The following SHC3 variants were observed in gnomAD, a reference collection of about 807,000 sequenced individuals.
The protein encoded by SHC3 is SHC-transforming protein 3.
Under a neutral mutation model 60.4 loss-of-function variants are expected in SHC3, and 15 were observed. The ratio of observed to expected loss-of-function variants is 0.25; its 90% CI spans 0.17 to 0.38. The LOEUF (loss-of-function observed/expected upper bound fraction) is 0.38. Ranked by LOEUF, SHC3 falls within the 10% of genes least tolerant of loss-of-function variation. The pLI, the probability that SHC3 is intolerant of heterozygous loss-of-function variation, is 1.00. For synonymous variants in SHC3, 294 were observed against 325.9 expected, an observed-to-expected ratio of 0.90 and a Z score of 1.05; for missense variants, 677 against 786.1, an observed-to-expected ratio of 0.86 and a Z score of 1.66.
At chr9:89,134,728 G>A (rs943110002) in intron 1 of SHC3, among the ~76,000 whole-genome samples, 1 of 152,050 alleles carries the variant, frequency 6.6e-6, no homozygotes, top group Non-Finnish European at 1.5e-5. Context: ...AGGTACTAAC[G>A]AATGCAGGTT....
At chr9:89,064,608 G>A (rs1249172794) in intron 6 of SHC3, among the ~76,000 whole-genome samples, 1 of 152,122 alleles carries the variant, frequency 6.6e-6, no homozygotes, top group Non-Finnish European at 1.5e-5. Flanking sequence ...TCTGAGGCCT[G>A]AGCATTGAGG....
At chr9:89,147,221 T>C (rs2118205560) in intron 1 of SHC3, among the ~76,000 whole-genome samples, 1 of 152,192 alleles carries the variant, frequency 6.6e-6, no homozygotes, top group East Asian at 1.9e-4. Flanking sequence ...TCAGTAAATG[T>C]TGACCAAGCC....
chr9:89,118,267 G>C (rs1826045401), intron 1 of SHC3, among the ~76,000 whole-genome samples: 1 of 149,760 alleles, frequency 6.7e-6, no homozygotes, highest in African/African-American at 2.5e-5. Context: ...TTGACTTAGG[G>C]TAAAAAGAGA....
rs138041738 is a variant in SHC3 at position 89,138,882 on chromosome 9, G to A, written c.475-26256C>T. Among the ~76,000 whole-genome samples the A allele has an allele frequency of 5.9e-5, 9 of 152,194 alleles. No homozygotes were observed. In the East Asian group the frequency reaches 1.7e-3, roughly 29 times the overall value. The stretch of plus-strand genomic sequence containing the variant: ...TGTCAGGAGGCATCAGTATAGTAAG[G>A]GTGATTCATGACTCTTGAGTTCTGA... On this transcript the variant is annotated intron_variant, in intron 1 of 11. Coordinates refer to ENST00000375835, the MANE Select transcript of SHC3 (RefSeq NM_016848.6).
chr9:89,037,458 C>T (rs1824600722), intron 11 of SHC3: 2 of 691,624 alleles, frequency 2.9e-6, no homozygotes, highest in East Asian at 2.7e-5. Flanking sequence ...AAAATTCAGC[C>T]AAACCTACGG....
intron 2 of SHC3, among the ~76,000 whole-genome samples, chr9:89,087,043 A>G (rs556844307): frequency 3.3e-5 from 5 of 152,286 alleles, no homozygotes; most frequent in African/African-American, 1.2e-4. Flanking sequence ...TCCACCATGC[A>G]TGCGCACACC....
intron 3 of SHC3, among the ~76,000 whole-genome samples, chr9:89,076,700 C>T (rs1235458402): frequency 6.6e-6 from 1 of 152,268 alleles, no homozygotes; most frequent in East Asian, 1.9e-4. Context: ...TGGCCTTTCC[C>T]CTCCGTTCAC....
intron 4 of SHC3, among the ~76,000 whole-genome samples, chr9:89,073,408 A>G (rs543752348): frequency 2.0e-4 from 31 of 152,060 alleles, no homozygotes; most frequent in Non-Finnish European, 3.8e-4. Flanking sequence ...TCCACTAGGA[A>G]CTCTGTAGAG....
chr9:89,083,999 G>A (rs575578065), intron 2 of SHC3, among the ~76,000 whole-genome samples: 1 of 152,308 alleles, frequency 6.6e-6, no homozygotes, highest in Non-Finnish European at 1.5e-5. Context: ...AGCACACTAA[G>A]CATCCAGCCA....
rs113451712 is a variant in SHC3 at position 89,044,459 on chromosome 9, T to C, written c.1201+1287A>G. ...ATTTGCTTCCTGGCATAAATAGCTA[T>C]AATGAAGGAATAAGCCTCAACATTA... On this transcript the variant is annotated intron_variant, in intron 9 of 11. Coordinates refer to ENST00000375835, the MANE Select transcript of SHC3 (RefSeq NM_016848.6). Among the ~76,000 whole-genome samples the C allele has an allele frequency of 9.8e-3, 1,491 of 152,340 alleles. 19 individuals carry two copies. The highest frequency in any genetic ancestry group is 0.026 in the African/African-American group (1,088 of 41,568).
intron 2 of SHC3, among the ~76,000 whole-genome samples, chr9:89,096,725 A>G (rs1825707621): frequency 6.6e-6 from 1 of 152,350 alleles, no homozygotes; most frequent in Non-Finnish European, 1.5e-5. Context: ...CATTTGGCAA[A>G]GTCTGAAGGT....
intron 2 of SHC3, among the ~76,000 whole-genome samples, chr9:89,091,399 G>A (rs913978926): frequency 1.3e-5 from 2 of 152,190 alleles, no homozygotes; most frequent in African/African-American, 4.8e-5. Context: ...TTAACATACA[G>A]TCCAATGGCA....
chr9:89,178,149 G>T lies in SHC3; in HGVS notation c.312C>A (p.Ser104Arg). 2 of 1,215,550 alleles carry T rather than the reference G, an allele frequency of 1.6e-6. No individual in the cohort carries two copies. The highest frequency in any genetic ancestry group is 3.6e-5 in the South Asian group (1 of 27,906). The allele number at this position is 1,215,550 out of a possible 1,614,324, so 75.3% of individuals were successfully genotyped here. The change falls in exon 1 of 12, where the codon AGC becomes AGA. Residue 104 changes from serine (S) to arginine (R), a missense_variant. Physicochemically the swap from Ser to Arg is moderately radical, Grantham distance 110 (BLOSUM62 -1). Coordinates refer to ENST00000375835, the MANE Select transcript of SHC3 (RefSeq NM_016848.6). This position sits in a 1 kb window ranked among gnomAD's most constrained non-coding sequence, Gnocchi z 6.9. The stretch of plus-strand genomic sequence containing the variant: ...GCGCACTGCCGTCCGGGGCGGCCAG[G>T]CTGGGCGCGCTGCAGCTGCCCGAGA... ...ARLSGSCSAP[S>R]LAAPDGSAPS...
chr9:89,038,261 T>C lies in SHC3; in HGVS notation c.1388A>G (p.Gln463Arg), dbSNP rs746897781. The change falls in exon 11 of 12, where the codon CAG (glutamine) becomes CGG (arginine). Residue 463 changes from glutamine to arginine, a missense_variant. By Grantham distance (43) the Gln-to-Arg change is conservative. Transcript: ENST00000375835. Reference protein sequence around the residue: ...MKPFEDALKNQPLGPVLSKAA... With the variant: ...MKPFEDALKNRPLGPVLSKAA... ...CTTGCTTAACACGGGCCCCAAGGGC[T>C]GGTTCTTGAGAGCATCTTCAAAAGG... 2.5e-6 allele frequency: 4 copies of C among 1,613,248 alleles called. No individual in the cohort carries two copies. Among genetic ancestry groups the C allele is most frequent in the South Asian group, 2.2e-5 (2 of 91,036 alleles).
At chr9:89,166,937 G>GT (rs1402031309) in intron 1 of SHC3, among the ~76,000 whole-genome samples, 7 of 152,214 alleles carry the variant, frequency 4.6e-5, no homozygotes, top group African/African-American at 1.7e-4. Flanking sequence ...TGAATCCACT[G>GT]TACTGTGTGG....
intron 6 of SHC3, among the ~76,000 whole-genome samples, chr9:89,059,052 GGGC>G: frequency 6.7e-6 from 1 of 149,910 alleles, no homozygotes; most frequent in East Asian, 2.0e-4. Flanking sequence ...ATGTGGTGGA[GGGC>G]GGTGGTGGAG....
intron 1 of SHC3, among the ~76,000 whole-genome samples, chr9:89,157,526 A>G (rs1177058073): frequency 6.6e-6 from 1 of 152,248 alleles, no homozygotes; most frequent in Admixed American, 6.5e-5. Context: ...TGTTGTTTTA[A>G]GTCACTAAAT....
chr9:89,136,618 G>A (rs1826323674), intron 1 of SHC3, among the ~76,000 whole-genome samples: 1 of 152,206 alleles, frequency 6.6e-6, no homozygotes, highest in Admixed American at 6.5e-5. Context: ...GCCTTGTTTA[G>A]CATATTATCA....
At chr9:89,037,383 T>A in intron 11 of SHC3, 1 of 626,182 alleles carries the variant, frequency 1.6e-6, no homozygotes. Flanking sequence ...CTGCATTTAT[T>A]AAACTTAGCA....
Sources: gnomAD v4.1 joint callset for allele counts (sites outside exome capture counted in the v4.1 genomes callset) on GRCh38, gnomAD v4.1.1 for gene constraint, Gnocchi (gnomAD v3.1) non-coding constraint, MANE v1.5 for transcripts, NCBI Gene and HGNC (gene_info 2026-07-23, HGNC 2026-07-21) for gene names.